GRXCR1: variants seen among roughly 807,000 people sequenced by gnomAD.
GRXCR1 encodes glutaredoxin domain-containing cysteine-rich protein 1.
GRXCR1 carries 27 observed loss-of-function variants against 27.3 expected under a neutral mutation model. That is an observed-to-expected ratio of 0.99 (90% CI 0.73 to 1.37). The LOEUF (loss-of-function observed/expected upper bound fraction) is 1.37. Ranked by LOEUF, GRXCR1 falls within the 40% of genes most tolerant of loss-of-function variation. GRXCR1 has a pLI of 0.00. For synonymous variants in GRXCR1, 122 were observed against 131.1 expected, an observed-to-expected ratio of 0.93 and a Z score of 0.47; for missense variants, 379 against 354.4, an observed-to-expected ratio of 1.07 and a Z score of -0.56.
At chr4:42,915,422 T>C (rs1374751032) in intron 1 of GRXCR1, among the ~76,000 whole-genome samples, 1 of 152,204 alleles carries the variant, frequency 6.6e-6, no homozygotes, top group East Asian at 1.9e-4. Flanking sequence ...TTAGGGTGTG[T>C]AGGATTGTCT....
At position 42,893,731 on chromosome 4, in the gene GRXCR1, AG is replaced by A. The variant is rs1746286924; in HGVS notation, c.384+82del. 85 of 1,374,176 alleles carry A rather than the reference AG, an allele frequency of 6.2e-5. No individual in the cohort carries two copies. In the South Asian group the frequency reaches 9.3e-4, roughly 15 times the overall value. 85.1% of individuals were successfully genotyped at this position (1,374,176 alleles called of 1,614,324 possible). The stretch of plus-strand genomic sequence containing the variant: ...ACCTCTCAGTTCTCCAGTTAAAGCA[AG>A]CCTCTCTTATTTGCAACTCCTACAT... On this transcript the variant is annotated intron_variant, in intron 1 of 3. Transcript: ENST00000399770.
chr4:42,960,647 T>C (rs973926070), intron 1 of GRXCR1, among the ~76,000 whole-genome samples: 2 of 151,918 alleles, frequency 1.3e-5, no homozygotes, highest in Non-Finnish European at 2.9e-5. Context: ...CTTGTGTTTT[T>C]TTTTCACATT....
chr4:42,945,450 T>C (rs942556888), intron 1 of GRXCR1, among the ~76,000 whole-genome samples: 1 of 152,190 alleles, frequency 6.6e-6, no homozygotes, highest in African/African-American at 2.4e-5. Context: ...TTTCTGCTTC[T>C]TCTTTCCTTC....
intron 3 of GRXCR1, among the ~76,000 whole-genome samples, chr4:43,027,569 G>C (rs557141840): frequency 6.6e-6 from 1 of 152,160 alleles, no homozygotes. Context: ...TCAGAGCCTG[G>C]TGTCTGAAGT....
At chr4:42,964,111 G>A (rs2109775725) in intron 2 of GRXCR1, among the ~76,000 whole-genome samples, 1 of 152,080 alleles carries the variant, frequency 6.6e-6, no homozygotes, top group East Asian at 1.9e-4. Context: ...TTTAACCAGA[G>A]CTGGACACAC....
In GRXCR1 at chr4:42,899,511, A is replaced by G. The variant is rs117878273; in HGVS notation, c.384+5861A>G. Among the ~76,000 whole-genome samples the G allele has an allele frequency of 1.4e-4, 22 of 152,188 alleles. No individual in the cohort carries two copies. The East Asian group carries it at 4.3e-3, about 30-fold the overall frequency. On this transcript the variant is annotated intron_variant, in intron 1 of 3. Transcript: ENST00000399770. ...CAGCCTCTATGCATTCCTCAGGCCA[A>G]TGCTTATATTTTTCTCCTTTTAGTC... is the stretch of plus-strand genomic sequence containing the variant.
At chr4:42,968,727 CA>C (rs1308910821) in intron 2 of GRXCR1, among the ~76,000 whole-genome samples, 7 of 151,772 alleles carry the variant, frequency 4.6e-5, no homozygotes, top group Non-Finnish European at 1.0e-4. Flanking sequence ...AAAAGAAAAG[CA>C]AAAAAGTACC....
chr4:42,982,258 A>C, intron 2 of GRXCR1, among the ~76,000 whole-genome samples: 1 of 122,568 alleles, frequency 8.2e-6, no homozygotes. Flanking sequence ...TCCTGTGTCC[A>C]TGTGATCTCA....
At chr4:42,945,424 C>T (rs540702521) in intron 1 of GRXCR1, among the ~76,000 whole-genome samples, 1 of 152,166 alleles carries the variant, frequency 6.6e-6, no homozygotes, top group East Asian at 1.9e-4. Flanking sequence ...CTGCCAAGAC[C>T]CCTTTTCTTT....
At chr4:42,912,511 T>C (rs550624943) in intron 1 of GRXCR1, among the ~76,000 whole-genome samples, 1 of 152,328 alleles carries the variant, frequency 6.6e-6, no homozygotes, top group Admixed American at 6.5e-5. Context: ...AGCTCATGTG[T>C]ACAGGAAGTT....
chr4:42,943,363 G>T (rs1747666865), intron 1 of GRXCR1, among the ~76,000 whole-genome samples: 1 of 152,060 alleles, frequency 6.6e-6, no homozygotes, highest in Admixed American at 6.6e-5. Flanking sequence ...AGCTAGTTTA[G>T]TGGTCCTGGG....
intron 1 of GRXCR1, among the ~76,000 whole-genome samples, chr4:42,961,695 T>G (rs187029577): frequency 6.6e-6 from 1 of 152,008 alleles, no homozygotes; most frequent in African/African-American, 2.4e-5. Context: ...TTTATTACAT[T>G]TTATCATCAG....
intron 2 of GRXCR1, among the ~76,000 whole-genome samples, chr4:42,981,259 T>C (rs986624454): frequency 9.9e-5 from 15 of 152,072 alleles, no homozygotes; most frequent in Admixed American, 5.2e-4. Flanking sequence ...AAAAAACATC[T>C]TATTTTTATA....
chr4:43,007,882 A>G (rs1240571056), intron 2 of GRXCR1, among the ~76,000 whole-genome samples: 6 of 152,194 alleles, frequency 3.9e-5, no homozygotes, highest in African/African-American at 1.4e-4. Flanking sequence ...CTCACACCTC[A>G]TAATATCTTA....
chr4:42,970,428 C>T lies in GRXCR1; in HGVS notation c.627+7294C>T, dbSNP rs150904341. Among the ~76,000 whole-genome samples, 5 of 152,140 alleles carry T rather than the reference C, an allele frequency of 3.3e-5. No individual in the cohort carries two copies. The East Asian group carries it at 9.7e-4, about 29-fold the overall frequency. On this transcript the variant is annotated intron_variant, in intron 2 of 3. Coordinates refer to ENST00000399770, the MANE Select transcript of GRXCR1 (RefSeq NM_001080476.3). Reference sequence around the variant, plus strand: ...GCTGACTTCTACCTGGACATCCAGGCGTTTCCTTATATCCTCTGAAATCTA... The same window carrying T: ...GCTGACTTCTACCTGGACATCCAGGTGTTTCCTTATATCCTCTGAAATCTA...
intron 2 of GRXCR1, among the ~76,000 whole-genome samples, chr4:42,977,565 T>C (rs1560672158): frequency 6.6e-6 from 1 of 151,930 alleles, no homozygotes; most frequent in Non-Finnish European, 1.5e-5. Context: ...CAATCAACAA[T>C]GTTGAACATT....
At chr4:42,996,602 T>C (rs1471987637) in intron 2 of GRXCR1, among the ~76,000 whole-genome samples, 1 of 152,098 alleles carries the variant, frequency 6.6e-6, no homozygotes, top group African/African-American at 2.4e-5. Context: ...TTGTCTGTGG[T>C]CAAGTTTTTT....
Position 42,940,190 on chromosome 4 carries a change from C to T in GRXCR1, c.385-22702C>T, listed in dbSNP as rs576427742. ...CCTGGAATTAAAGTGTGGGAGTCCT[C>T]CTAAGACAGTGGCCCCTTGGTCTTT... On this transcript the variant is annotated intron_variant, in intron 1 of 3. Coordinates refer to ENST00000399770, the MANE Select transcript of GRXCR1 (RefSeq NM_001080476.3). Among the ~76,000 whole-genome samples, 3 of 152,138 alleles carry T rather than the reference C, an allele frequency of 2.0e-5. No individual in the cohort carries two copies. In the East Asian group the frequency reaches 5.8e-4, roughly 30 times the overall value.
chr4:42,934,673 T>C (rs116522496), intron 1 of GRXCR1, among the ~76,000 whole-genome samples: 7,844 of 152,076 alleles, frequency 0.052, 306 homozygotes, highest in Non-Finnish European at 0.083. Flanking sequence ...CAAAATACTT[T>C]CACTTATCTG....
Sources: allele counts gnomAD v4.1 joint callset (sites outside exome capture counted in the v4.1 genomes callset), GRCh38; gene constraint gnomAD v4.1.1; transcripts MANE v1.5; gene names NCBI Gene and HGNC (gene_info 2026-07-23, HGNC 2026-07-21).